MTX3: variants seen among roughly 807,000 people sequenced by gnomAD.
MTX3 encodes the protein metaxin 3.
A neutral mutation model predicts 42.5 loss-of-function variants in MTX3; 27 were observed. The ratio of observed to expected loss-of-function variants is 0.64; its 90% confidence interval spans 0.47 to 0.88. The LOEUF is 0.88. Among genes scored for constraint, MTX3 ranks in the 40% least tolerant of loss-of-function variants. The pLI is 0.00. For synonymous variants in MTX3, 144 were observed against 132.9 expected, an observed-to-expected ratio of 1.08 and a Z score of -0.57; for missense variants, 378 against 367.0, an observed-to-expected ratio of 1.03 and a Z score of -0.25.
chr5:79,978,050 G>C lies in MTX3; in HGVS notation c.*5634C>G, dbSNP rs1831292814. On this transcript the variant is annotated 3_prime_UTR_variant, in exon 9 of 9. Transcript: ENST00000512528. ...ACTGGGATCCTAAGGAAACAGGCTG[G>C]AAGAGCCAGGGGCCTCCCTCACAAA... 5 of 152,306 alleles carry C rather than the reference G, an allele frequency of 3.3e-5. No homozygotes were observed. The South Asian group carries it at 8.3e-4, about 25-fold the overall frequency. The allele number at this position is 152,306 out of a possible 1,614,324, so 9.4% of individuals were successfully genotyped here.
chr5:79,985,528 G>C (rs1260984503), intron 8 of MTX3, 43 bp downstream of exon 8: 5 of 1,376,478 alleles, frequency 3.6e-6, no homozygotes, highest in East Asian at 2.3e-5. Flanking sequence ...GCTACCGAAA[G>C]GAAAATACTG....
chr5:79,986,232 C>T (rs1010007223), intron 7 of MTX3, among the ~76,000 whole-genome samples: 5 of 152,194 alleles, frequency 3.3e-5, no homozygotes, highest in Non-Finnish European at 7.3e-5. Context: ...CACGGTTGAA[C>T]ATTACTTAAT....
chr5:79,986,169 A>C (rs1831485532), intron 7 of MTX3, among the ~76,000 whole-genome samples: 1 of 152,190 alleles, frequency 6.6e-6, no homozygotes, highest in African/African-American at 2.4e-5. Flanking sequence ...ATAGGACCCA[A>C]GATTTTTTAT....
At position 79,986,969 on chromosome 5, in the gene MTX3, A is replaced by C; in HGVS notation, c.720T>G (p.Tyr240Ter). 6.2e-7 allele frequency: 1 copy of C among 1,613,900 alleles called. No individual in the cohort carries two copies. The highest frequency in any genetic ancestry group is 8.5e-7 in the Non-Finnish European group (1 of 1,179,844). Residue 240 changes from tyrosine to a stop codon, truncating the protein, a stop_gained, in exon 7 of 9, where the codon TAT becomes TAG. Transcript: ENST00000512528. LOFTEE classifies it high-confidence loss of function. ...GCTTACCTCCAAGACTAAGCCTAAA[A>C]TAACTGCTCAGGATGTCATCACAAA... ...CRFCDDILSS[Y>*]FRLSLGGISP...
At position 79,976,765 on chromosome 5, in the gene MTX3, T is replaced by C. The variant is rs1831259875; in HGVS notation, c.*6919A>G. On this transcript the variant is annotated 3_prime_UTR_variant, in exon 9 of 9. Coordinates refer to ENST00000512528, the MANE Select transcript of MTX3 (RefSeq NM_001363818.2). ...GATTTTTATTGAGAAAATAGCTATTTTGACATTATATCCAGTTTCTCATTT... is the reference window on the plus strand; with the variant it reads ...GATTTTTATTGAGAAAATAGCTATTCTGACATTATATCCAGTTTCTCATTT... 6.6e-6 allele frequency: 1 copy of C among 152,610 alleles called. No individual in the cohort carries two copies. The highest frequency in any genetic ancestry group is 2.4e-5 in the African/African-American group (1 of 41,452). The allele number at this position is 152,610 out of a possible 1,614,324, so 9.5% of individuals were successfully genotyped here.
At chr5:79,989,662 CA>C (rs1831582794) in intron 3 of MTX3, among the ~76,000 whole-genome samples, 1 of 152,106 alleles carries the variant, frequency 6.6e-6, no homozygotes, top group Admixed American at 6.5e-5. Context: ...ACAGTATTGG[CA>C]AAACAAATAA....
At chr5:79,986,216 A>T (rs1831486362) in intron 7 of MTX3, among the ~76,000 whole-genome samples, 2 of 152,202 alleles carry the variant, frequency 1.3e-5, no homozygotes, top group Admixed American at 6.5e-5. Flanking sequence ...ACTGCTCCCA[A>T]GTTAACACGG....
Position 79,991,214 on chromosome 5 carries a change from A to C in MTX3, c.25T>G (p.Cys9Gly). The change falls in exon 1 of 9, where the codon TGC (cysteine) becomes GGC (glycine). Residue 9 changes from cysteine (C) to glycine (G), a missense_variant. Cys to Gly is a radical substitution (Grantham distance 159). Transcript: ENST00000512528. MAAPLELSCWGGGWGLPSV... is the reference protein window; with the variant it reads MAAPLELSGWGGGWGLPSV... The stretch of plus-strand genomic sequence containing the variant: ...GGGAGTCCCCAGCCGCCTCCCCAGC[A>C]ACTGAGTTCCAAGGGGGCCGCCATC... 2 of 1,474,678 alleles carry C rather than the reference A, an allele frequency of 1.4e-6. No homozygotes were observed. Among genetic ancestry groups the C allele is most frequent in the Non-Finnish European group, 1.8e-6 (2 of 1,107,354 alleles). The allele number at this position is 1,474,678 out of a possible 1,614,324, so 91.3% of individuals were successfully genotyped here.
chr5:79,990,797 T>C, intron 1 of MTX3, 134 bp from the exon 2 acceptor site: 1 of 773,194 alleles, frequency 1.3e-6, no homozygotes, highest in Non-Finnish European at 2.3e-6. Flanking sequence ...CCCCGTGATC[T>C]CAAGTAGGGA....
chr5:79,990,811 G>A (rs1304090014), intron 1 of MTX3, 148 bp from the exon 2 acceptor site: 4 of 748,330 alleles, frequency 5.3e-6, no homozygotes, highest in Non-Finnish European at 9.6e-6. Context: ...GTAGGGACGC[G>A]GGCGCCAGCC....
intron 8 of MTX3, 47 bp from the exon 9 acceptor site, chr5:79,983,841 T>A (rs748847091): frequency 1.6e-6 from 2 of 1,283,586 alleles, no homozygotes; most frequent in Non-Finnish European, 1.1e-6. Flanking sequence ...GTGGCACCGC[T>A]TATGTGGACT....
At chr5:79,984,055 T>C (rs529654292) in intron 8 of MTX3, among the ~76,000 whole-genome samples, 5 of 152,346 alleles carry the variant, frequency 3.3e-5, no homozygotes, top group Admixed American at 2.0e-4. Flanking sequence ...AAAATAAATA[T>C]TCTACTGAAC....
At chr5:79,986,761 T>C (rs1457511049) in intron 7 of MTX3, 189 bp downstream of exon 7, 2 of 602,766 alleles carry the variant, frequency 3.3e-6, no homozygotes, top group Non-Finnish European at 5.8e-6. Flanking sequence ...AAATATCTAT[T>C]TATCTATTTA....
At chr5:79,986,576 C>A in intron 7 of MTX3, 2 of 348,610 alleles carry the variant, frequency 5.7e-6, no homozygotes, top group Non-Finnish European at 1.1e-5. Context: ...CTAGAAGCAG[C>A]AGGTAAAAAT....
intron 6 of MTX3, 122 bp downstream of exon 6, chr5:79,988,117 A>G: frequency 3.0e-6 from 2 of 674,626 alleles, no homozygotes; most frequent in Non-Finnish European, 5.2e-6. Flanking sequence ...ACACCGGCCT[A>G]AATCTTGTTT....
Position 79,982,413 on chromosome 5 carries a change from C to A in MTX3, c.*1271G>T, listed in dbSNP as rs947776002. 1 of 456,514 alleles carries A rather than the reference C, an allele frequency of 2.2e-6. No homozygotes were observed. The highest frequency in any genetic ancestry group is 4.4e-6 in the Non-Finnish European group (1 of 226,892). The allele number at this position is 456,514 out of a possible 1,614,324, so 28.3% of individuals were successfully genotyped here. On this transcript the variant is annotated 3_prime_UTR_variant, in exon 9 of 9. Transcript: ENST00000512528. The stretch of plus-strand genomic sequence containing the variant: ...TTTTCTTAACATATGGGTTCCTGCA[C>A]GACTTGATAAGATTTGCTGAGCACC...
chr5:79,990,419 G>C (rs1239671081), intron 2 of MTX3, among the ~76,000 whole-genome samples, 175 bp downstream of exon 2: 1 of 152,144 alleles, frequency 6.6e-6, no homozygotes, highest in Non-Finnish European at 1.5e-5. Flanking sequence ...ATAATTTCCA[G>C]TGATTTCGCT....
chr5:79,984,543 C>T (rs1190842295), intron 8 of MTX3, among the ~76,000 whole-genome samples: 1 of 151,744 alleles, frequency 6.6e-6, no homozygotes, highest in Non-Finnish European at 1.5e-5. Flanking sequence ...AGTGGTGGAC[C>T]TCAAAAACTG....
chr5:79,983,719 C>T lies in MTX3; in HGVS notation c.904G>A (p.Glu302Lys). The T allele has an allele frequency of 6.2e-7, 1 of 1,613,958 alleles. No homozygotes were observed. Among genetic ancestry groups the T allele is most frequent in the South Asian group, 1.1e-5 (1 of 91,086 alleles). ...LPTLKLTPAE[E>K]ENNSFQRLSP is the part of the protein sequence containing the mutation. ...AGCCGTTGGAAGGAATTATTTTCTT[C>T]TTCTGCTGGAGTCAATTTAAGTGTT... The change falls in exon 9 of 9, where the codon GAA (glutamate) becomes AAA (lysine). Residue 302 changes from glutamate to lysine, a missense_variant. Coordinates refer to ENST00000512528, the MANE Select transcript of MTX3 (RefSeq NM_001363818.2).
Sources: gnomAD v4.1 joint callset for allele counts (sites outside exome capture counted in the v4.1 genomes callset) on GRCh38, gnomAD v4.1.1 for gene constraint, MANE v1.5 for transcripts, NCBI Gene and HGNC (gene_info 2026-07-23, HGNC 2026-07-21) for gene names.